The following NFASC variants were observed in gnomAD, a reference collection of about 807,000 sequenced individuals.
The protein encoded by NFASC is neurofascin.
NFASC carries 43 observed loss-of-function variants against 147.5 expected under a neutral mutation model. That is an observed-to-expected ratio of 0.29 (90% CI 0.23 to 0.38). The LOEUF is 0.38. Ranked by LOEUF, NFASC falls within the 10% of genes least tolerant of loss-of-function variation. The probability of loss-of-function intolerance (pLI) is 1.00; values close to 1 mark genes in which losing one functional copy is unlikely to be tolerated. For synonymous variants in NFASC, 622 were observed against 665.5 expected (o/e 0.93, Z 1.01); for missense variants, 1,320 against 1,689.0 (o/e 0.78, Z 3.83).
At chr1:204,922,087 G>T (rs1283923239) in intron 2 of NFASC, among the ~76,000 whole-genome samples, 1 of 152,256 alleles carries the variant, frequency 6.6e-6, no homozygotes, top group East Asian at 1.9e-4. Context: ...TTGCAAAAGC[G>T]GTGTACCCAT....
At chr1:205,000,040 C>T (rs2095940506) in intron 25 of NFASC, 1 of 152,208 alleles carries the variant, frequency 6.6e-6, no homozygotes, top group Admixed American at 6.5e-5. Context: ...CTCCTCTACA[C>T]AGGCTATGGT....
intron 25 of NFASC, chr1:204,998,884 G>A (rs2095909314): frequency 6.6e-6 from 1 of 152,222 alleles, no homozygotes; most frequent in Non-Finnish European, 1.5e-5. Flanking sequence ...CCCCTCCAGA[G>A]TCTCACTCCT....
intron 29 of NFASC, among the ~76,000 whole-genome samples, chr1:205,013,232 C>A (rs1055222766): frequency 6.6e-6 from 1 of 152,180 alleles, no homozygotes; most frequent in African/African-American, 2.4e-5. Context: ...GACCCTCTTG[C>A]CGTGAGATGA....
At chr1:204,967,191 G>A (rs1031291941) in intron 8 of NFASC, among the ~76,000 whole-genome samples, 2 of 152,090 alleles carry the variant, frequency 1.3e-5, no homozygotes, top group Non-Finnish European at 2.9e-5. Flanking sequence ...TTCTATTTTT[G>A]TTTTTAGCCA....
chr1:204,872,047 A>G (rs1317145509), intron 1 of NFASC, among the ~76,000 whole-genome samples: 1 of 152,180 alleles, frequency 6.6e-6, no homozygotes, highest in Non-Finnish European at 1.5e-5. Flanking sequence ...TGGGTTGAAG[A>G]TTCAGTGACC....
chr1:204,933,323 TG>T (rs2092535329), intron 2 of NFASC, among the ~76,000 whole-genome samples: 1 of 151,984 alleles, frequency 6.6e-6, no homozygotes, highest in Non-Finnish European at 1.5e-5. Context: ...TAAGCAACAC[TG>T]GGAAGTAGAC....
At chr1:204,988,921 G>A in intron 23 of NFASC, 115 bp downstream of exon 23, 2 of 992,620 alleles carry the variant, frequency 2.0e-6, no homozygotes, top group South Asian at 2.7e-5. Flanking sequence ...AGACTTGCAA[G>A]TCCTCAAGCC....
intron 27 of NFASC, among the ~76,000 whole-genome samples, chr1:205,007,154 GTTT>G (rs1339810920): frequency 6.8e-6 from 1 of 146,878 alleles, no homozygotes; most frequent in South Asian, 2.2e-4. Context: ...TTCCTCAAGG[GTTT>G]TTTTTTTTAA....
At chr1:204,841,530 C>T (rs533010149) in intron 1 of NFASC, among the ~76,000 whole-genome samples, 1 of 152,240 alleles carries the variant, frequency 6.6e-6, no homozygotes, top group African/African-American at 2.4e-5. Context: ...ACCATAAAGC[C>T]ACTGTTCAGT....
Position 204,987,405 on chromosome 1 carries a change from C to T in NFASC, c.2471-13C>T. On this transcript the variant is annotated splice_polypyrimidine_tract_variant and intron_variant, in intron 21 of 29. Transcript: ENST00000339876. The surrounding 1 kb of genome is among the most constrained non-coding windows in gnomAD (Gnocchi z 4.4). Reference sequence around the variant, plus strand: ...TCCCCCTCATCTCCCCTGCTCTCTCCTCCTTCCCCAAGTACCCAGTGCCCC... The same window carrying T: ...TCCCCCTCATCTCCCCTGCTCTCTCTTCCTTCCCCAAGTACCCAGTGCCCC... 6.2e-7 allele frequency: 1 copy of T among 1,612,994 alleles called. No individual in the cohort carries two copies. Among genetic ancestry groups the T allele is most frequent in the Non-Finnish European group, 8.5e-7 (1 of 1,179,312 alleles).
chr1:204,941,250 T>C (rs1352807230), intron 2 of NFASC, among the ~76,000 whole-genome samples: 2 of 152,230 alleles, frequency 1.3e-5, no homozygotes, highest in South Asian at 4.1e-4. Flanking sequence ...TAAATTCTTT[T>C]CCTCTTGTAA....
intron 3 of NFASC, among the ~76,000 whole-genome samples, chr1:204,947,918 A>T (rs2093872535): frequency 6.6e-6 from 1 of 152,018 alleles, no homozygotes; most frequent in African/African-American, 2.4e-5. Flanking sequence ...ATGCACACTC[A>T]CACCCACTCA....
chr1:204,973,283 A>C lies in NFASC; in HGVS notation c.1143A>C (p.Pro381=), dbSNP rs1272900451. ...MVNGEPLQSA[P]PNPNREVAGD... is the part of the protein sequence containing the mutation. ...TCTCTTTCTTGTCTGTAGCGGCACC[A>C]CCTAACCCAAACCGTGAGGTGGCCG... Residue 381 remains proline (P), a synonymous_variant, in exon 12 of 30, where the codon CCA becomes CCC. Coordinates refer to ENST00000339876, the MANE Select transcript of NFASC (RefSeq NM_001005388.3). 1.2e-6 allele frequency: 2 copies of C among 1,614,046 alleles called. No individual in the cohort carries two copies. The highest frequency in any genetic ancestry group is 1.7e-6 in the Non-Finnish European group (2 of 1,179,994).
chr1:204,978,065 A>G (rs1262890949), intron 17 of NFASC, among the ~76,000 whole-genome samples: 4 of 152,084 alleles, frequency 2.6e-5, no homozygotes, highest in Non-Finnish European at 5.9e-5. Context: ...CTCCCTTCAC[A>G]TCACCTGGAA....
chr1:204,944,442 T>C, intron 3 of NFASC, 36 bp downstream of exon 3: 2 of 1,462,812 alleles, frequency 1.4e-6, no homozygotes, highest in African/African-American at 1.4e-5. Flanking sequence ...TTTTTTTTCC[T>C]GATTTTGGGC....
chr1:204,927,745 A>G (rs866915997), intron 2 of NFASC, among the ~76,000 whole-genome samples: 18 of 152,178 alleles, frequency 1.2e-4, no homozygotes, highest in Non-Finnish European at 1.0e-4. Flanking sequence ...TTAATGACAG[A>G]GCCCCTGGAG....
intron 1 of NFASC, among the ~76,000 whole-genome samples, chr1:204,854,361 G>A (rs1166738292): frequency 1.3e-5 from 2 of 152,144 alleles, no homozygotes; most frequent in Non-Finnish European, 2.9e-5. Flanking sequence ...GTGAGACATA[G>A]ACCCCGGTTG....
At chr1:204,947,103 A>C in intron 3 of NFASC, 1 of 314,924 alleles carries the variant, frequency 3.2e-6, no homozygotes, top group South Asian at 2.7e-5. Flanking sequence ...AAACAGGCCC[A>C]AAAGAACGGG....
At chr1:204,856,011 A>T (rs2076120647) in intron 1 of NFASC, among the ~76,000 whole-genome samples, 1 of 152,196 alleles carries the variant, frequency 6.6e-6, no homozygotes, top group Non-Finnish European at 1.5e-5. Flanking sequence ...CCCAGTTCAC[A>T]CAAGAGGAAG....
Sources: gnomAD v4.1 joint callset for allele counts (sites outside exome capture counted in the v4.1 genomes callset) on GRCh38, gnomAD v4.1.1 for gene constraint, Gnocchi (gnomAD v3.1) non-coding constraint, MANE v1.5 for transcripts, NCBI Gene and HGNC (gene_info 2026-07-23, HGNC 2026-07-21) for gene names.